Variants in COBL observed in about 807,000 individuals in gnomAD.
COBL encodes cordon-bleu WH2 repeat protein, also known as protein cordon-bleu.
COBL carries 51 observed loss-of-function variants against 98.8 expected under a neutral mutation model. The observed-to-expected ratio is 0.52, with a 90% CI of 0.41 to 0.65. The LOEUF (loss-of-function observed/expected upper bound fraction) is 0.65, where lower values mean the gene tolerates loss of function less well. Ranked by LOEUF, COBL falls within the 30% of genes least tolerant of loss-of-function variation. The pLI is 0.00. For synonymous variants in COBL, 634 were observed against 651.7 expected, an observed-to-expected ratio of 0.97 and a Z score of 0.41; for missense variants, 1,617 against 1,617.5, an observed-to-expected ratio of 1.00 and a Z score of 0.01.
At chr7:51,296,402 T>C (rs1801420538) in intron 1 of COBL, among the ~76,000 whole-genome samples, 1 of 152,206 alleles carries the variant, frequency 6.6e-6, no homozygotes, top group Admixed American at 6.5e-5. Context: ...ACATGGGAGA[T>C]GTTTGATTAA....
At chr7:51,236,861 C>T (rs559423878) in intron 1 of COBL, among the ~76,000 whole-genome samples, 1 of 152,252 alleles carries the variant, frequency 6.6e-6, no homozygotes, top group South Asian at 2.1e-4. Flanking sequence ...CCACCTCTGC[C>T]CTGTCTCCAT....
intron 7 of COBL, among the ~76,000 whole-genome samples, chr7:51,047,141 C>T (rs1467550306): frequency 1.3e-5 from 2 of 152,186 alleles, no homozygotes; most frequent in African/African-American, 2.4e-5. Flanking sequence ...TCTCTTAAGG[C>T]ATGAACAATC....
chr7:51,097,521 CAT>C (rs1795382095), intron 6 of COBL, among the ~76,000 whole-genome samples: 1 of 152,092 alleles, frequency 6.6e-6, no homozygotes, highest in Non-Finnish European at 1.5e-5. Flanking sequence ...ATTCCTTTTG[CAT>C]ATACATGATT....
chr7:51,100,671 C>T (rs1411427599), intron 6 of COBL, among the ~76,000 whole-genome samples: 1 of 152,208 alleles, frequency 6.6e-6, no homozygotes, highest in Non-Finnish European at 1.5e-5. Flanking sequence ...GAGGCTGAGG[C>T]AGGCAGATCA....
At position 51,031,071 on chromosome 7, in the gene COBL, T is replaced by C. The variant is rs1031326019; in HGVS notation, c.1407-162A>G. ...CTCAGAACTACGGAGACGCAGATTG[T>C]TCATGGGTGTGTGTGTCCCCCATGT... On this transcript the variant is annotated intron_variant, in intron 8 of 12. Transcript: ENST00000265136. The C allele has an allele frequency of 2.7e-5, 17 of 620,930 alleles. No homozygotes were observed. In the Admixed American group the frequency reaches 3.2e-4, roughly 12 times the overall value. The allele number at this position is 620,930 out of a possible 1,614,324, so 38.5% of individuals were successfully genotyped here.
chr7:51,228,528 T>G (rs899974328), intron 1 of COBL, among the ~76,000 whole-genome samples: 2 of 151,960 alleles, frequency 1.3e-5, no homozygotes, highest in African/African-American at 4.8e-5. Context: ...TCCTACACAA[T>G]AGAATTTCAC....
intron 5 of COBL, among the ~76,000 whole-genome samples, chr7:51,179,614 C>G (rs1366702048): frequency 6.6e-6 from 1 of 152,160 alleles, no homozygotes; most frequent in African/African-American, 2.4e-5. Context: ...TTGACATAAA[C>G]AGTAAATTGC....
chr7:51,244,921 G>A (rs1402558222), intron 1 of COBL, among the ~76,000 whole-genome samples: 6 of 152,160 alleles, frequency 3.9e-5, no homozygotes, highest in African/African-American at 1.4e-4. Context: ...TCTCTTCTAA[G>A]GCTTCACCCA....
At chr7:51,210,032 T>C (rs1354617580) in intron 2 of COBL, among the ~76,000 whole-genome samples, 1 of 152,228 alleles carries the variant, frequency 6.6e-6, no homozygotes, top group Non-Finnish European at 1.5e-5. Flanking sequence ...GTATGCAGTG[T>C]GCTCACAGAG....
chr7:51,301,130 C>G (rs963842507), intron 1 of COBL, among the ~76,000 whole-genome samples: 1 of 152,064 alleles, frequency 6.6e-6, no homozygotes. Context: ...TGCTCTGAAG[C>G]GGCCCCCTCC....
chr7:51,310,621 G>A (rs1039272982), intron 1 of COBL, among the ~76,000 whole-genome samples: 1 of 152,154 alleles, frequency 6.6e-6, no homozygotes, highest in African/African-American at 2.4e-5. Flanking sequence ...GCCAGGACGC[G>A]TGACTTACCT....
intron 7 of COBL, chr7:51,083,245 G>A (rs1234121988): frequency 6.9e-7 from 1 of 1,440,782 alleles, no homozygotes; most frequent in South Asian, 1.5e-5. Context: ...GGAATCAACA[G>A]GGAGTTACTT....
intron 4 of COBL, chr7:51,187,817 G>T: frequency 1.0e-6 from 1 of 983,880 alleles, no homozygotes; most frequent in Non-Finnish European, 1.3e-6. Context: ...ATTCCTTGGA[G>T]TCTGGCACAA....
intron 6 of COBL, among the ~76,000 whole-genome samples, chr7:51,130,994 A>G (rs1449495061): frequency 1.3e-5 from 2 of 152,240 alleles, no homozygotes; most frequent in South Asian, 2.1e-4. Context: ...CAGTTATTCA[A>G]TATTCATTGA....
At position 51,029,451 on chromosome 7, in the gene COBL, C is replaced by G. The variant is rs775683805; in HGVS notation, c.1645G>C (p.Asp549His). The change falls in exon 10 of 13, where the codon GAT becomes CAT. Residue 549 changes from aspartate (D) to histidine (H), a missense_variant. Asp to His is a moderately conservative substitution (Grantham distance 81, BLOSUM62 -1). Around this residue, in one of 3 missense-constraint regions of COBL, gnomAD observed 1,304 missense variants for 1,282.0 expected, o/e 1.02. Coordinates refer to ENST00000265136, the MANE Select transcript of COBL (RefSeq NM_015198.5). ...IPVTFIGEVS[D>H]DPVDSGLFSN... ...AACAACCCCGAATCCACAGGATCAT[C>G]TGAAACTTCCCCTATGAATGTTACT... The G allele has an allele frequency of 1.2e-6, 2 of 1,614,178 alleles. No homozygotes were observed. The highest frequency in any genetic ancestry group is 1.7e-6 in the Non-Finnish European group (2 of 1,180,032).
At chr7:51,253,093 G>A (rs956158882) in intron 1 of COBL, among the ~76,000 whole-genome samples, 2 of 151,888 alleles carry the variant, frequency 1.3e-5, no homozygotes, top group East Asian at 3.9e-4. Context: ...TCATGGTGGC[G>A]GGCACCTGTG....
intron 8 of COBL, 83 bp from the exon 9 acceptor site, chr7:51,030,992 G>T: frequency 1.1e-6 from 1 of 945,870 alleles, no homozygotes; most frequent in Non-Finnish European, 1.7e-6. Context: ...TCTGAGGATA[G>T]AACAGCTCAT....
intron 6 of COBL, among the ~76,000 whole-genome samples, chr7:51,130,707 G>A (rs1364621266): frequency 7.9e-5 from 12 of 152,180 alleles, no homozygotes; most frequent in African/African-American, 2.9e-4. Flanking sequence ...ACACACCAGA[G>A]TGACTGATGA....
intron 1 of COBL, among the ~76,000 whole-genome samples, chr7:51,296,182 G>A (rs1801404972): frequency 6.6e-6 from 1 of 152,154 alleles, no homozygotes; most frequent in African/African-American, 2.4e-5. Context: ...GGATCTGTCA[G>A]AGCAGGGACA....
Sources: gnomAD v4.1 joint callset for allele counts (sites outside exome capture counted in the v4.1 genomes callset) on GRCh38, gnomAD v4.1.1 for gene constraint, gnomAD v4.1.1 regional missense constraint, MANE v1.5 for transcripts, NCBI Gene and HGNC (gene_info 2026-07-23, HGNC 2026-07-21) for gene names.